GNB5: variants seen among roughly 807,000 people sequenced by gnomAD.
GNB5 encodes the protein guanine nucleotide-binding protein subunit beta-5.
In GNB5, 37 loss-of-function variants were observed where a neutral mutation model predicts 55.3. That is an observed-to-expected ratio of 0.67 (90% confidence interval 0.51 to 0.88). The LOEUF is 0.88. GNB5 is among the 40% of genes least tolerant of loss of function. The probability of loss-of-function intolerance (pLI) is 0.00; values close to 1 mark genes in which losing one functional copy is unlikely to be tolerated. For missense variants in GNB5, 476 were observed against 515.3 expected (o/e 0.92, Z 0.74); for synonymous variants, 219 against 198.5 (o/e 1.10, Z -0.87).
chr15:52,122,870 G>T lies in GNB5; in HGVS notation c.1177-102C>A, dbSNP rs2033307594. On this transcript the variant is annotated intron_variant, in intron 12 of 12. Transcript: ENST00000261837. ...TTAGTCTATTCACACACATGCATGG[G>T]CATACATATATGTGTGTGTACACAC... is the stretch of plus-strand genomic sequence containing the variant. 7 of 831,978 alleles carry T rather than the reference G, an allele frequency of 8.4e-6. No homozygotes were observed. The Admixed American group carries it at 8.7e-5, about 10-fold the overall frequency. 51.5% of individuals were successfully genotyped at this position (831,978 alleles called of 1,614,324 possible). A position where few individuals can be genotyped will look rare whatever the true frequency, so the allele number is the denominator to read the frequency against.
intron 10 of GNB5, 88 bp from the exon 11 acceptor site, chr15:52,126,132 C>T (rs1263494542): frequency 3.0e-6 from 2 of 670,044 alleles, no homozygotes; most frequent in African/African-American, 3.6e-5. Flanking sequence ...GTGCTAGTGA[C>T]TTGCGTAGTT....
At chr15:52,134,984 C>T (rs188055985) in intron 8 of GNB5, among the ~76,000 whole-genome samples, 5 of 152,064 alleles carry the variant, frequency 3.3e-5, no homozygotes, top group East Asian at 1.9e-4. Context: ...ATAGCGGATG[C>T]GACTTACAGT....
chr15:52,134,123 T>G (rs2033643707), intron 8 of GNB5, among the ~76,000 whole-genome samples: 1 of 152,208 alleles, frequency 6.6e-6, no homozygotes, highest in Non-Finnish European at 1.5e-5. Context: ...ATAAAGTCAA[T>G]GCTCTCTTCA....
At chr15:52,157,795 T>C (rs1448349005) in intron 3 of GNB5, among the ~76,000 whole-genome samples, 1 of 152,084 alleles carries the variant, frequency 6.6e-6, no homozygotes, top group Non-Finnish European at 1.5e-5. Context: ...CATTTTTTCT[T>C]CCCACATGTA....
intron 2 of GNB5, 180 bp from the exon 3 acceptor site, chr15:52,180,059 G>C: frequency 1.3e-6 from 1 of 749,954 alleles, no homozygotes; most frequent in Non-Finnish European, 1.8e-6. Flanking sequence ...CCGCACCTGG[G>C]CGCGCGCTCT....
chr15:52,137,205 G>T, intron 7 of GNB5: 1 of 1,147,260 alleles, frequency 8.7e-7, no homozygotes, highest in Non-Finnish European at 1.1e-6. Context: ...AGCTTTGCTT[G>T]GTTGCAAGTA....
intron 7 of GNB5, chr15:52,139,509 T>G (rs773693021): frequency 3.7e-5 from 6 of 162,938 alleles, no homozygotes; most frequent in Non-Finnish European, 8.1e-5. Context: ...TACTGATATT[T>G]ACCAGGGACT....
intron 4 of GNB5, among the ~76,000 whole-genome samples, chr15:52,152,647 T>C (rs1175642076): frequency 4.1e-5 from 6 of 146,008 alleles, no homozygotes; most frequent in Non-Finnish European, 9.1e-5. Context: ...TTTTTTTTTT[T>C]TGAGACAGGG....
intron 7 of GNB5, chr15:52,137,552 G>A: frequency 1.9e-6 from 2 of 1,027,742 alleles, no homozygotes; most frequent in South Asian, 7.2e-5. Context: ...GAGGCCCAAA[G>A]AGCCTCTGGA....
At chr15:52,145,443 C>T (rs2033951227) in intron 6 of GNB5, among the ~76,000 whole-genome samples, 1 of 151,400 alleles carries the variant, frequency 6.6e-6, no homozygotes, top group South Asian at 2.1e-4. Flanking sequence ...AGTTCGAGAC[C>T]ACCCTGGCCA....
chr15:52,148,297 C>T (rs2034019250), intron 5 of GNB5, among the ~76,000 whole-genome samples: 1 of 152,190 alleles, frequency 6.6e-6, no homozygotes, highest in East Asian at 1.9e-4. Context: ...ACTATGAGCC[C>T]TAAACCATCC....
intron 6 of GNB5, among the ~76,000 whole-genome samples, chr15:52,143,473 T>C (rs1003739517): frequency 2.0e-5 from 3 of 152,154 alleles, no homozygotes; most frequent in African/African-American, 7.2e-5. Context: ...CTTGCACACA[T>C]GAGATCATAG....
In GNB5 at chr15:52,119,662, C is replaced by CA. The variant is rs1049124676; in HGVS notation, c.*3094dup. The CA allele has an allele frequency of 6.6e-6, 1 of 152,134 alleles. No individual in the cohort carries two copies. The highest frequency in any genetic ancestry group is 2.4e-5 in the African/African-American group (1 of 41,372). The allele number at this position is 152,134 out of a possible 1,614,324, so 9.4% of individuals were successfully genotyped here. A position where few individuals can be genotyped will look rare whatever the true frequency, so the allele number is the denominator to read the frequency against. On this transcript the variant is annotated 3_prime_UTR_variant, in exon 13 of 13. Transcript: ENST00000261837. The stretch of plus-strand genomic sequence containing the variant: ...GTAGGCACTTTACATATTTTAGTCC[C>CA]ATCCCATGTTACAAATGGGGAAACT...
intron 12 of GNB5, among the ~76,000 whole-genome samples, chr15:52,123,033 A>G (rs1401445439): frequency 7.1e-6 from 1 of 141,654 alleles, no homozygotes; most frequent in Non-Finnish European, 1.5e-5. Context: ...TCTGTGGGGC[A>G]TCTGCAGCCT....
chr15:52,142,861 A>G (rs2033888294), intron 6 of GNB5, among the ~76,000 whole-genome samples: 1 of 152,122 alleles, frequency 6.6e-6, no homozygotes, highest in Admixed American at 6.6e-5. Flanking sequence ...TGTTTATACA[A>G]TGTGCGGAGG....
chr15:52,185,629 T>C (rs2034833342), intron 1 of GNB5, among the ~76,000 whole-genome samples: 1 of 152,070 alleles, frequency 6.6e-6, no homozygotes. Context: ...AGTCATGGAC[T>C]AAAGGTGAGA....
intron 7 of GNB5, chr15:52,139,918 CCT>C: frequency 7.8e-7 from 1 of 1,286,520 alleles, no homozygotes; most frequent in Non-Finnish European, 1.0e-6. Context: ...GTGGTAGCCC[CCT>C]GAGCCTGCCT....
intron 1 of GNB5, among the ~76,000 whole-genome samples, chr15:52,188,299 A>G (rs1463165691): frequency 1.3e-5 from 2 of 152,192 alleles, no homozygotes; most frequent in Non-Finnish European, 1.5e-5. Context: ...TACAAACTAA[A>G]TTTAAAGCAT....
intron 1 of GNB5, among the ~76,000 whole-genome samples, chr15:52,187,292 G>T (rs1290592407): frequency 6.6e-6 from 1 of 152,176 alleles, no homozygotes; most frequent in Non-Finnish European, 1.5e-5. Context: ...GTGAGCCACA[G>T]GCTGTTAAGC....
Sources: gnomAD v4.1 joint callset for allele counts (sites outside exome capture counted in the v4.1 genomes callset) on GRCh38, gnomAD v4.1.1 for gene constraint, MANE v1.5 for transcripts, NCBI Gene and HGNC (gene_info 2026-07-23, HGNC 2026-07-21) for gene names.